The following GTF2IRD1 variants were observed in gnomAD, a reference collection of about 807,000 sequenced individuals.
GTF2IRD1 encodes GTF2I repeat domain containing 1, also known as general transcription factor II-I repeat domain-containing protein 1.
Under a neutral mutation model 113.2 loss-of-function variants are expected in GTF2IRD1, and 26 were observed. That is an observed-to-expected ratio of 0.23 (90% CI 0.17 to 0.32). GTF2IRD1 has a LOEUF of 0.32. Among genes scored for constraint, GTF2IRD1 ranks in the 10% least tolerant of loss-of-function variants. The pLI, the probability that GTF2IRD1 is intolerant of heterozygous loss-of-function variation, is 1.00. For synonymous variants in GTF2IRD1, 484 were observed against 529.1 expected, an observed-to-expected ratio of 0.91 and a Z score of 1.17; for missense variants, 864 against 1,280.8, an observed-to-expected ratio of 0.67 and a Z score of 4.97.
chr7:74,471,747 A>G (rs1794119886), intron 1 of GTF2IRD1, among the ~76,000 whole-genome samples: 3 of 151,368 alleles, frequency 2.0e-5, no homozygotes, highest in Non-Finnish European at 4.4e-5. Flanking sequence ...TAATCCCAAC[A>G]CTTTGGGAGG....
intron 14 of GTF2IRD1, among the ~76,000 whole-genome samples, chr7:74,541,911 A>AATAGATAGATAGATAGATAGATAGATAG (rs58094935): frequency 4.0e-5 from 6 of 150,034 alleles, no homozygotes; most frequent in Non-Finnish European, 7.4e-5. Context: ...AAAATAACTA[A>AATAGATAGATAGATAGATAGATAGATAG]ATAGATAGAT....
intron 1 of GTF2IRD1, among the ~76,000 whole-genome samples, chr7:74,497,328 T>C (rs1795789208): frequency 6.6e-6 from 1 of 152,126 alleles, no homozygotes; most frequent in South Asian, 2.1e-4. Flanking sequence ...AGTTGCACAG[T>C]CACACCTCAC....
chr7:74,586,567 A>G (rs1801730262), intron 22 of GTF2IRD1, among the ~76,000 whole-genome samples: 1 of 152,182 alleles, frequency 6.6e-6, no homozygotes, highest in Non-Finnish European at 1.5e-5. Flanking sequence ...GGACCAGGCC[A>G]GGGACCTGCA....
chr7:74,524,601 C>T (rs1389365425), intron 8 of GTF2IRD1, among the ~76,000 whole-genome samples: 4 of 152,206 alleles, frequency 2.6e-5, no homozygotes, highest in Non-Finnish European at 1.5e-5. Context: ...TGCAGTGGCT[C>T]ATGCCTGTAA....
chr7:74,530,445 T>G (rs1055187045), intron 9 of GTF2IRD1, among the ~76,000 whole-genome samples: 3 of 151,066 alleles, frequency 2.0e-5, no homozygotes, highest in Non-Finnish European at 2.9e-5. Flanking sequence ...TTTTGAGGAT[T>G]GAATGGAAAA....
At chr7:74,584,999 A>G (rs1225748077) in intron 22 of GTF2IRD1, among the ~76,000 whole-genome samples, 5 of 151,634 alleles carry the variant, frequency 3.3e-5, no homozygotes, top group Middle Eastern at 6.3e-3. Flanking sequence ...ACGGGGTTTC[A>G]CCACGTTGGA....
At chr7:74,585,160 T>G (rs1268186214) in intron 22 of GTF2IRD1, among the ~76,000 whole-genome samples, 1 of 148,262 alleles carries the variant, frequency 6.7e-6, no homozygotes, top group Non-Finnish European at 1.5e-5. Context: ...TCGCCTAGGC[T>G]GGAGTGCAGT....
At chr7:74,497,805 A>C (rs1795815615) in intron 1 of GTF2IRD1, among the ~76,000 whole-genome samples, 1 of 152,098 alleles carries the variant, frequency 6.6e-6, no homozygotes. Context: ...CCTGGGTTCA[A>C]GCAATTCTCC....
chr7:74,568,337 T>TTAAAAAAA lies in GTF2IRD1; in HGVS notation c.2320+8682_2320+8683insTAAAAAAA, dbSNP rs1554361354. On this transcript the variant is annotated intron_variant, in intron 22 of 26. Coordinates refer to ENST00000424337, the MANE Select transcript of GTF2IRD1 (RefSeq NM_005685.4). Reference sequence around the variant, plus strand: ...CACATAACAAGACTGCATCTCTATTTAAAAAAAAAAAAAAAAAAGAAGGAG... The same window carrying TTAAAAAAA: ...CACATAACAAGACTGCATCTCTATTTTAAAAAAAAAAAAAAAAAAAAAAAAAGAAGGAG... Among the ~76,000 whole-genome samples the TTAAAAAAA allele has an allele frequency of 1.8e-3, 166 of 91,996 alleles. 2 individuals carry two copies. The highest frequency in any genetic ancestry group is 7.2e-3 in the African/African-American group (156 of 21,588). The allele number at this position is 91,996 out of a possible 152,430, so 60.4% of individuals were successfully genotyped here.
intron 25 of GTF2IRD1, among the ~76,000 whole-genome samples, chr7:74,596,392 A>C (rs112471935): frequency 4.2e-4 from 63 of 150,502 alleles, no homozygotes; most frequent in African/African-American, 1.5e-3. Context: ...CCTAGGAGAC[A>C]GAGGTTGCAG....
At chr7:74,487,929 T>A (rs556266481) in intron 1 of GTF2IRD1, among the ~76,000 whole-genome samples, 129 of 152,318 alleles carry the variant, frequency 8.5e-4, no homozygotes, top group Middle Eastern at 3.4e-3. Context: ...CAGAATATTG[T>A]GCCTCCTCAA....
intron 1 of GTF2IRD1, among the ~76,000 whole-genome samples, chr7:74,481,702 G>T (rs1794749989): frequency 6.6e-6 from 1 of 152,194 alleles, no homozygotes; most frequent in South Asian, 2.1e-4. Flanking sequence ...CCTACTCCTT[G>T]TTTATATGTG....
At chr7:74,471,825 C>T (rs1794127726) in intron 1 of GTF2IRD1, among the ~76,000 whole-genome samples, 1 of 151,336 alleles carries the variant, frequency 6.6e-6, no homozygotes, top group Non-Finnish European at 1.5e-5. Flanking sequence ...AACTCTGTCT[C>T]TACTAAAATT....
intron 1 of GTF2IRD1, among the ~76,000 whole-genome samples, chr7:74,501,816 TAATTTTTA>T (rs1168514419): frequency 6.6e-6 from 1 of 152,164 alleles, no homozygotes; most frequent in African/African-American, 2.4e-5. Context: ...AGTGCCTGGC[TAATTTTTA>T]AATTTTTAGT....
intron 24 of GTF2IRD1, among the ~76,000 whole-genome samples, chr7:74,594,301 G>C (rs1219085643): frequency 3.3e-5 from 5 of 151,600 alleles, no homozygotes; most frequent in Admixed American, 3.3e-4. Context: ...GATCGATTGA[G>C]CCCAGGAGTT....
chr7:74,583,365 T>C (rs1801529306), intron 22 of GTF2IRD1, among the ~76,000 whole-genome samples: 1 of 148,852 alleles, frequency 6.7e-6, no homozygotes, highest in Non-Finnish European at 1.5e-5. Context: ...ATTTTTCTTT[T>C]TTTTTCTTTT....
chr7:74,513,809 G>C (rs1219972090), intron 3 of GTF2IRD1, among the ~76,000 whole-genome samples: 5 of 152,046 alleles, frequency 3.3e-5, no homozygotes, highest in Admixed American at 2.0e-4. Flanking sequence ...CCCAGGAGTT[G>C]GAGACCAGGC....
At chr7:74,525,903 AG>A (rs1554347143) in intron 8 of GTF2IRD1, among the ~76,000 whole-genome samples, 1 of 152,216 alleles carries the variant, frequency 6.6e-6, no homozygotes, top group Non-Finnish European at 1.5e-5. Flanking sequence ...CGTCTGGGGC[AG>A]CCTCTGCGTG....
At chr7:74,599,846 T>C (rs587621436) in intron 25 of GTF2IRD1, among the ~76,000 whole-genome samples, 3 of 152,142 alleles carry the variant, frequency 2.0e-5, no homozygotes, top group South Asian at 2.1e-4. Context: ...ATACCCTCCC[T>C]GGACAACCTA....
Sources: allele counts gnomAD v4.1 joint callset (sites outside exome capture counted in the v4.1 genomes callset), GRCh38; gene constraint gnomAD v4.1.1; transcripts MANE v1.5; gene names NCBI Gene and HGNC (gene_info 2026-07-23, HGNC 2026-07-21).